CREB5: variants seen among roughly 807,000 people sequenced by gnomAD.
The protein encoded by CREB5 is cyclic AMP-responsive element-binding protein 5.
CREB5 carries 19 observed loss-of-function variants against 57.1 expected under a neutral mutation model. The ratio of observed to expected loss-of-function variants is 0.33; its 90% CI spans 0.23 to 0.49. CREB5 has a LOEUF of 0.49. Among genes scored for constraint, CREB5 ranks in the 20% least tolerant of loss-of-function variants. The pLI is 0.99. For synonymous variants in CREB5, 238 were observed against 238.3 expected (o/e 1.00, Z 0.01); for missense variants, 579 against 671.6 (o/e 0.86, Z 1.52).
intron 1 of CREB5, among the ~76,000 whole-genome samples, chr7:28,398,468 A>T (rs1200894460): frequency 6.6e-6 from 1 of 152,166 alleles, no homozygotes; most frequent in Non-Finnish European, 1.5e-5. Context: ...TCAGTTTACA[A>T]ATATGAACCT....
chr7:28,709,174 G>A (rs557652119), intron 5 of CREB5, among the ~76,000 whole-genome samples: 1 of 152,252 alleles, frequency 6.6e-6, no homozygotes, highest in South Asian at 2.1e-4. Context: ...TGATGGAACT[G>A]GGAAGTTATT....
intron 1 of CREB5, among the ~76,000 whole-genome samples, chr7:28,461,275 G>A (rs1790343397): frequency 6.6e-6 from 1 of 151,864 alleles, no homozygotes; most frequent in African/African-American, 2.4e-5. Flanking sequence ...GTGTATAAAG[G>A]AAAGACAGAG....
intron 1 of CREB5, among the ~76,000 whole-genome samples, chr7:28,405,966 CAA>C (rs1349850810): frequency 6.6e-6 from 1 of 152,164 alleles, no homozygotes; most frequent in Non-Finnish European, 1.5e-5. Flanking sequence ...ACGTCTGACT[CAA>C]GAAACTGACT....
chr7:28,348,715 G>T (rs1786125782), intron 1 of CREB5, among the ~76,000 whole-genome samples: 1 of 152,084 alleles, frequency 6.6e-6, no homozygotes, highest in African/African-American at 2.4e-5. Flanking sequence ...GGTTCCCAAA[G>T]GTCCGCTAGC....
chr7:28,617,246 G>A (rs1190846638), intron 5 of CREB5, among the ~76,000 whole-genome samples: 1 of 152,216 alleles, frequency 6.6e-6, no homozygotes, highest in Non-Finnish European at 1.5e-5. Context: ...ATATGATAAT[G>A]TTGATCTGAA....
intron 5 of CREB5, among the ~76,000 whole-genome samples, chr7:28,637,590 C>T (rs183022867): frequency 2.0e-5 from 3 of 152,092 alleles, no homozygotes; most frequent in Admixed American, 6.6e-5. Flanking sequence ...TGGAAAGTGA[C>T]GTTTCAGATG....
intron 4 of CREB5, among the ~76,000 whole-genome samples, chr7:28,566,591 G>A (rs1795489154): frequency 6.6e-6 from 1 of 152,162 alleles, no homozygotes; most frequent in Non-Finnish European, 1.5e-5. Flanking sequence ...AATGAAGACA[G>A]GTTTTGAACC....
At chr7:28,620,476 A>G (rs1797752985) in intron 5 of CREB5, among the ~76,000 whole-genome samples, 1 of 152,150 alleles carries the variant, frequency 6.6e-6, no homozygotes. Context: ...GCATCTCCAG[A>G]TCTTCACGCT....
At position 28,804,409 on chromosome 7, in the gene CREB5, C is replaced by A; in HGVS notation, c.913C>A (p.Pro305Thr). The A allele has an allele frequency of 1.2e-6, 2 of 1,614,116 alleles. No homozygotes were observed. The highest frequency in any genetic ancestry group is 1.7e-6 in the Non-Finnish European group (2 of 1,180,012). The change falls in exon 8 of 11, where the codon CCC becomes ACC. Residue 305 changes from proline to threonine, a missense_variant. By Grantham distance (38) the Pro-to-Thr change is conservative. Transcript: ENST00000357727. ...CCCAGCACACCATCCTCACCCTCAA[C>A]CCCATCACCAGCAGAACCATCCACA... ...QHPAHHPHPQ[P>T]HHQQNHPHHH...
At chr7:28,368,401 T>C (rs968958558) in intron 1 of CREB5, among the ~76,000 whole-genome samples, 2 of 152,146 alleles carry the variant, frequency 1.3e-5, no homozygotes, top group Non-Finnish European at 2.9e-5. Context: ...AATTAATTAA[T>C]ATAGAAAAAA....
chr7:28,657,597 G>T (rs1799380864), intron 5 of CREB5, among the ~76,000 whole-genome samples: 1 of 151,542 alleles, frequency 6.6e-6, no homozygotes, highest in Admixed American at 6.6e-5. Context: ...GGTGCCTGCA[G>T]ACCTGGCTAC....
At chr7:28,494,777 T>A (rs1791950575) in intron 2 of CREB5, 129 bp from the exon 3 acceptor site, 1 of 528,022 alleles carries the variant, frequency 1.9e-6, no homozygotes, top group African/African-American at 2.1e-5. Context: ...TTCGAAATGT[T>A]TTTTTTTTTT....
intron 1 of CREB5, among the ~76,000 whole-genome samples, chr7:28,449,221 T>G (rs1789663321): frequency 1.3e-5 from 2 of 152,244 alleles, no homozygotes; most frequent in Non-Finnish European, 2.9e-5. Flanking sequence ...TTTGGTTTTG[T>G]TTTTGTTTTT....
intron 1 of CREB5, among the ~76,000 whole-genome samples, chr7:28,307,127 C>T (rs1428106445): frequency 3.3e-5 from 5 of 152,192 alleles, no homozygotes; most frequent in East Asian, 1.9e-4. Context: ...GATGCCCTTG[C>T]CCCTCCTCTA....
intron 7 of CREB5, among the ~76,000 whole-genome samples, chr7:28,731,028 C>G (rs1469955436): frequency 6.6e-6 from 1 of 152,210 alleles, no homozygotes; most frequent in Non-Finnish European, 1.5e-5. Flanking sequence ...ACCTCATCAA[C>G]TAAATATTGG....
intron 1 of CREB5, among the ~76,000 whole-genome samples, chr7:28,372,631 G>A (rs1304282902): frequency 6.6e-6 from 1 of 152,272 alleles, no homozygotes; most frequent in Middle Eastern, 3.4e-3. Flanking sequence ...TTATAGATTG[G>A]TATTAAGGCA....
At chr7:28,361,057 C>T (rs1786466042) in intron 1 of CREB5, among the ~76,000 whole-genome samples, 1 of 151,994 alleles carries the variant, frequency 6.6e-6, no homozygotes, top group Admixed American at 6.6e-5. Context: ...AATTATCTGA[C>T]CCCCAATGTC....
At chr7:28,449,758 C>G (rs772617540) in intron 1 of CREB5, among the ~76,000 whole-genome samples, 8 of 152,154 alleles carry the variant, frequency 5.3e-5, no homozygotes, top group South Asian at 2.1e-4. Context: ...GAAGAATATT[C>G]CTAACGTCAA....
At chr7:28,683,140 C>A (rs575299943) in intron 5 of CREB5, among the ~76,000 whole-genome samples, 1 of 152,178 alleles carries the variant, frequency 6.6e-6, no homozygotes, top group African/African-American at 2.4e-5. Flanking sequence ...CTTATGACTT[C>A]TATCTACGAA....
Sources: allele counts gnomAD v4.1 joint callset (sites outside exome capture counted in the v4.1 genomes callset), GRCh38; gene constraint gnomAD v4.1.1; transcripts MANE v1.5; gene names NCBI Gene and HGNC (gene_info 2026-07-23, HGNC 2026-07-21).